The following VWF variants were observed in gnomAD, a reference collection of about 807,000 sequenced individuals.
VWF encodes Factor VIII related antigen.
In VWF, 176 loss-of-function variants were observed where a neutral mutation model predicts 308.6. The ratio of observed to expected loss-of-function variants is 0.57; its 90% CI spans 0.50 to 0.65. The LOEUF is 0.65. Ranked by LOEUF, VWF falls within the 30% of genes least tolerant of loss-of-function variation. VWF has a pLI of 0.00. For missense variants in VWF, 3,146 were observed against 3,648.2 expected, an observed-to-expected ratio of 0.86 and a Z score of 3.55; for synonymous variants, 1,385 against 1,443.4, an observed-to-expected ratio of 0.96 and a Z score of 0.92.
At chr12:6,119,216 T>C (rs768032703) in intron 3 of VWF, among the ~76,000 whole-genome samples, 20 of 152,148 alleles carry the variant, frequency 1.3e-4, no homozygotes, top group Non-Finnish European at 2.5e-4. Context: ...CAGCCTACTC[T>C]CCTCCAGTCC....
At chr12:5,952,155 T>C in intron 49 of VWF, 2 of 663,492 alleles carry the variant, frequency 3.0e-6, no homozygotes, top group Non-Finnish European at 5.1e-6. Context: ...CACATTTTAT[T>C]CAAGAATCAC....
chr12:6,119,807 C>T (rs71459994), intron 3 of VWF, among the ~76,000 whole-genome samples: 1 of 152,306 alleles, frequency 6.6e-6, no homozygotes, highest in East Asian at 1.9e-4. Flanking sequence ...GCACCACTCA[C>T]TGCACTCCAG....
intron 47 of VWF, among the ~76,000 whole-genome samples, chr12:5,964,254 A>ACATACATACATACATACATG (rs1943366854): frequency 3.8e-5 from 5 of 130,008 alleles, no homozygotes; most frequent in Non-Finnish European, 6.6e-5. Flanking sequence ...ATACATGCAT[A>ACATACATACATACATACATG]CATACATACA....
rs1944828311 is a variant in VWF at position 6,075,203 on chromosome 12, T to C, written c.874+132A>G. The C allele has an allele frequency of 1.7e-6, 2 of 1,169,504 alleles. No individual in the cohort carries two copies. The highest frequency in any genetic ancestry group is 3.0e-5 in the African/African-American group (2 of 66,712). The allele number at this position is 1,169,504 out of a possible 1,614,324, so 72.4% of individuals were successfully genotyped here. On this transcript the variant is annotated intron_variant, in intron 7 of 51. Transcript: ENST00000261405. The surrounding 1 kb of genome is among the most constrained non-coding windows in gnomAD (Gnocchi z 4.7). ...GGAAATGGGTCCGGGACACGTGGCT[T>C]TGTAGTCACTGGCTGGCTGGGTGTG...
At position 6,046,477 on chromosome 12, in the gene VWF, C is replaced by CTTACAGA. The variant is rs1232116930; in HGVS notation, c.2281+245_2281+246insTCTGTAA. Reference sequence around the variant, plus strand: ...GGTCTCATAGAATTTATCTGCAGGTCTTTCCCCTTACACGAAATCAAATAC... The same window carrying CTTACAGA: ...GGTCTCATAGAATTTATCTGCAGGTCTTACAGATTTCCCCTTACACGAAATCAAATAC... On this transcript the variant is annotated intron_variant, in intron 17 of 51. Transcript: ENST00000261405. This position sits in a 1 kb window ranked among gnomAD's most constrained non-coding sequence, Gnocchi z 5.0. Among the ~76,000 whole-genome samples, 1 of 152,258 alleles carries CTTACAGA rather than the reference C, an allele frequency of 6.6e-6. No individual in the cohort carries two copies. The highest frequency in any genetic ancestry group is 6.5e-5 in the Admixed American group (1 of 15,288).
chr12:6,098,112 T>C (rs1945124831), intron 5 of VWF, among the ~76,000 whole-genome samples: 1 of 152,252 alleles, frequency 6.6e-6, no homozygotes, highest in Non-Finnish European at 1.5e-5. Flanking sequence ...ATATTCTTGC[T>C]TAGAGAAAAC....
intron 47 of VWF, among the ~76,000 whole-genome samples, chr12:5,954,609 G>GA (rs143246250): frequency 0.031 from 4,679 of 152,276 alleles, 239 homozygotes; most frequent in African/African-American, 0.11. Context: ...AAACTAAAGG[G>GA]AAAATGTCAG....
chr12:6,014,147 T>C (rs1944029841), intron 31 of VWF, among the ~76,000 whole-genome samples: 1 of 150,418 alleles, frequency 6.6e-6, no homozygotes, highest in Non-Finnish European at 1.5e-5. Context: ...GAGAGAAGAG[T>C]GAGTGCAAAG....
At chr12:5,980,128 AAG>A (rs1943584480) in intron 42 of VWF, among the ~76,000 whole-genome samples, 1 of 117,374 alleles carries the variant, frequency 8.5e-6, no homozygotes, top group South Asian at 3.3e-4. Context: ...GGAAGGAAGG[AAG>A]GAAGGAAGAA....
At chr12:6,065,004 T>G in intron 11 of VWF, 133 bp downstream of exon 11, 1 of 1,339,358 alleles carries the variant, frequency 7.5e-7, no homozygotes, top group Non-Finnish European at 1.0e-6. Context: ...AGGAGCTAAC[T>G]GAAGTCTGGA....
rs1401136281 is a variant in VWF at position 6,019,287 on chromosome 12, G to A, written c.4131C>T (p.Ala1377=). The change falls in exon 28 of 52, where the codon GCC becomes GCT. Residue 1377 remains alanine, a synonymous_variant. Coordinates refer to ENST00000261405, the MANE Select transcript of VWF (RefSeq NM_000552.5). The surrounding 1 kb of genome is among the most constrained non-coding windows in gnomAD (Gnocchi z 5.8). The part of the protein sequence containing the change: ...QIFSKIDRPE[A]SRITLLLMAS... ...CCATCAGGAGCAGGGTGATGCGGGA[G>A]GCTTCAGGGCGGTCGATCTTGCTGA... 6.2e-7 allele frequency: 1 copy of A among 1,613,788 alleles called. No individual in the cohort carries two copies. The highest frequency in any genetic ancestry group is 8.5e-7 in the Non-Finnish European group (1 of 1,179,872).
chr12:5,993,717 A>AT lies in VWF; in HGVS notation c.6598+144dup. On this transcript the variant is annotated intron_variant, in intron 37 of 51. Coordinates refer to ENST00000261405, the MANE Select transcript of VWF (RefSeq NM_000552.5). ...TATGTATATATATATCTTCCATCTT[A>AT]TTTGATCCTAACTGGAATCCCAGGT... is the stretch of plus-strand genomic sequence containing the variant. The AT allele has an allele frequency of 5.9e-6, 4 of 681,374 alleles. No individual in the cohort carries two copies. The South Asian group carries it at 6.8e-5, about 12-fold the overall frequency. The allele number at this position is 681,374 out of a possible 1,614,324, so 42.2% of individuals were successfully genotyped here.
At chr12:6,076,083 A>T (rs1591902817) in intron 6 of VWF, among the ~76,000 whole-genome samples, 2 of 151,214 alleles carry the variant, frequency 1.3e-5, no homozygotes, top group Middle Eastern at 3.4e-3. Flanking sequence ...TTTTTTTTTT[A>T]AACACTCCCC....
At chr12:6,012,435 G>C (rs550804250) in intron 32 of VWF, among the ~76,000 whole-genome samples, 2 of 152,330 alleles carry the variant, frequency 1.3e-5, no homozygotes, top group African/African-American at 2.4e-5. Flanking sequence ...GATGGGGAAG[G>C]TGGGGAGATG....
At chr12:6,124,241 G>GA (rs1945462767) in intron 1 of VWF, among the ~76,000 whole-genome samples, 180 bp downstream of exon 1, 1 of 152,158 alleles carries the variant, frequency 6.6e-6, no homozygotes, top group Non-Finnish European at 1.5e-5. Flanking sequence ...GCAGCCCCAG[G>GA]ACCCTCAGAG....
At chr12:6,032,435 C>T (rs1178074504) in intron 20 of VWF, among the ~76,000 whole-genome samples, 2 of 151,480 alleles carry the variant, frequency 1.3e-5, no homozygotes, top group African/African-American at 2.4e-5. Context: ...GTCAGGAGAT[C>T]GAGACCAGCC....
chr12:6,046,932 C>T lies in VWF; in HGVS notation c.2187-115G>A. 2 of 887,282 alleles carry T rather than the reference C, an allele frequency of 2.3e-6. No individual in the cohort carries two copies. The highest frequency in any genetic ancestry group is 2.6e-5 in the East Asian group (1 of 38,244). 55.0% of individuals were successfully genotyped at this position (887,282 alleles called of 1,614,324 possible). ...TTCCAACCAGGTCCCAGTCCCATAA[C>T]CCCTCCTGAAGCACAGCTTGCTAAC... On this transcript the variant is annotated intron_variant, in intron 16 of 51. Transcript: ENST00000261405. This position sits in a 1 kb window ranked among gnomAD's most constrained non-coding sequence, Gnocchi z 5.0.
At chr12:5,953,628 A>T (rs1316498530) in intron 47 of VWF, 34 bp from the exon 48 acceptor site, 4 of 1,568,346 alleles carry the variant, frequency 2.6e-6, no homozygotes, top group Admixed American at 1.7e-5. Context: ...AGCCATAGTT[A>T]ACCTCCTTAA....
At position 6,121,214 on chromosome 12, in the gene VWF, G is replaced by A. The variant is rs1033994741; in HGVS notation, c.180C>T (p.Leu60=). The change falls in exon 3 of 52, where the codon CTC becomes CTT. Residue 60 remains leucine, a synonymous_variant. Transcript: ENST00000261405. ...AGCGTTTCTGGCAGCCCCCTGCCAG[G>A]AGGTAACTGCAGTATCCCGCAAAGC... ...MYSFAGYCSY[L]LAGGCQKRSF... The A allele has an allele frequency of 1.1e-5, 18 of 1,614,090 alleles. No individual in the cohort carries two copies. The African/African-American group carries it at 2.1e-4, about 19-fold the overall frequency.
Sources: gnomAD v4.1 joint callset for allele counts (sites outside exome capture counted in the v4.1 genomes callset) on GRCh38, gnomAD v4.1.1 for gene constraint, Gnocchi (gnomAD v3.1) non-coding constraint, MANE v1.5 for transcripts, NCBI Gene and HGNC (gene_info 2026-07-23, HGNC 2026-07-21) for gene names.